Variants in KCNS3 observed in about 807,000 individuals in gnomAD.
The protein encoded by KCNS3 is delayed-rectifier potassium channel regulatory subunit KCNS3.
In KCNS3, 13 loss-of-function variants were observed where a neutral mutation model predicts 31.0. The ratio of observed to expected loss-of-function variants is 0.42; its 90% CI spans 0.27 to 0.67. KCNS3 has a LOEUF of 0.67. Ranked by LOEUF, KCNS3 falls within the 30% of genes least tolerant of loss-of-function variation. The pLI is 0.25. For missense variants in KCNS3, 545 were observed against 622.4 expected, an observed-to-expected ratio of 0.88 and a Z score of 1.32; for synonymous variants, 238 against 241.5, an observed-to-expected ratio of 0.99 and a Z score of 0.13.
At chr2:17,930,587 A>G (rs1352384859) in intron 2 of KCNS3, among the ~76,000 whole-genome samples, 1 of 152,146 alleles carries the variant, frequency 6.6e-6, no homozygotes, top group Non-Finnish European at 1.5e-5. Flanking sequence ...TTGTGCTTGA[A>G]TCTCTGGAGA....
At position 17,931,060 on chromosome 2, in the gene KCNS3, A is replaced by C. The variant is rs1662949485; in HGVS notation, c.52A>C (p.Asn18His). ...CCCTGGACAAGACGAGGAACTTGTC[A>C]ACCTGAATGTGGGGGGCTTTAAGCA... ...HRPGQDEELVNLNVGGFKQSV... is the reference protein window; with the variant it reads ...HRPGQDEELVHLNVGGFKQSV... Residue 18 changes from asparagine to histidine, a missense_variant, in exon 3 of 3, where the codon AAC becomes CAC. Physicochemically the swap from Asn to His is moderately conservative, Grantham distance 68 (BLOSUM62 1). Transcript: ENST00000304101. This position sits in a 1 kb window ranked among gnomAD's most constrained non-coding sequence, Gnocchi z 5.4. 4 of 1,613,988 alleles carry C rather than the reference A, an allele frequency of 2.5e-6. No individual in the cohort carries two copies. Among genetic ancestry groups the C allele is most frequent in the African/African-American group, 2.7e-5 (2 of 74,906 alleles).
chr2:17,920,999 G>A (rs78890391), intron 2 of KCNS3, among the ~76,000 whole-genome samples: 1 of 152,318 alleles, frequency 6.6e-6, no homozygotes, highest in East Asian at 1.9e-4. Context: ...TTGCAACACG[G>A]GAGTCTAAGG....
At chr2:17,890,825 G>A (rs1307739830) in intron 1 of KCNS3, among the ~76,000 whole-genome samples, 1 of 152,062 alleles carries the variant, frequency 6.6e-6, no homozygotes, top group Non-Finnish European at 1.5e-5. Flanking sequence ...TAAACTTATT[G>A]AGGCTCATTT....
intron 2 of KCNS3, among the ~76,000 whole-genome samples, chr2:17,925,825 A>T (rs1246682808): frequency 1.3e-5 from 2 of 152,218 alleles, no homozygotes; most frequent in Non-Finnish European, 2.9e-5. Context: ...CCCAAATCTC[A>T]TGTCCTCATG....
At chr2:17,916,629 TC>T (rs1380150134) in intron 1 of KCNS3, among the ~76,000 whole-genome samples, 1 of 152,214 alleles carries the variant, frequency 6.6e-6, no homozygotes, top group Non-Finnish European at 1.5e-5. Context: ...GAAACTGTGT[TC>T]CTGCTTCATT....
intron 1 of KCNS3, among the ~76,000 whole-genome samples, chr2:17,897,287 A>G (rs920543358): frequency 5.1e-4 from 78 of 152,224 alleles, no homozygotes; most frequent in African/African-American, 1.8e-3. Context: ...CCTTTATCCA[A>G]TCCACTGTTG....
upstream of KCNS3, among the ~76,000 whole-genome samples, chr2:17,878,377 G>T (rs1174641117): frequency 1.3e-5 from 2 of 151,938 alleles, no homozygotes; most frequent in Non-Finnish European, 2.9e-5. Flanking sequence ...CCCGGACAGC[G>T]CCTGCCGCTC....
At chr2:17,879,435 G>C (rs988150369) in intron 1 of KCNS3, 1 of 152,364 alleles carries the variant, frequency 6.6e-6, no homozygotes, top group African/African-American at 2.4e-5. Flanking sequence ...CGCCCTGGGT[G>C]GGGACGGCGT....
At chr2:17,883,228 G>A (rs1039495232) in intron 1 of KCNS3, among the ~76,000 whole-genome samples, 3 of 152,170 alleles carry the variant, frequency 2.0e-5, no homozygotes, top group Non-Finnish European at 4.4e-5. Flanking sequence ...CTTACCAGAT[G>A]CTCACCAAAG....
At position 17,932,220 on chromosome 2, in the gene KCNS3, C is replaced by T. The variant is rs1485227062; in HGVS notation, c.1212C>T (p.Ile404=). Reference sequence around the variant, plus strand: ...TGGTGGTGGCCCTTCCCATCACCATCATCTTCAACAAGTTTTCCAAGTACT... The same window carrying T: ...TGGTGGTGGCCCTTCCCATCACCATTATCTTCAACAAGTTTTCCAAGTACT... ...GILVVALPIT[I]IFNKFSKYYQ... The change falls in exon 3 of 3, where the codon ATC becomes ATT. Residue 404 remains isoleucine (I), a synonymous_variant. Transcript: ENST00000304101. The T allele has an allele frequency of 1.2e-6, 2 of 1,613,892 alleles. No homozygotes were observed. Among genetic ancestry groups the T allele is most frequent in the African/African-American group, 1.3e-5 (1 of 74,908 alleles).
intron 1 of KCNS3, among the ~76,000 whole-genome samples, chr2:17,884,266 AAAAT>A (rs1209831044): frequency 0.11 from 5,032 of 44,164 alleles, 74 homozygotes; most frequent in Non-Finnish European, 0.15. Flanking sequence ...TAAAAAAAAA[AAAAT>A]ATATATATAT....
At chr2:17,878,147 T>C (rs889267091), upstream of KCNS3, 1 of 152,230 alleles carries the variant, frequency 6.6e-6, no homozygotes, top group Non-Finnish European at 1.5e-5. Context: ...GAGCTATATG[T>C]ACTCTCCTTC....
At chr2:17,915,336 T>C (rs552188162) in intron 1 of KCNS3, among the ~76,000 whole-genome samples, 3 of 152,206 alleles carry the variant, frequency 2.0e-5, no homozygotes, top group East Asian at 1.9e-4. Flanking sequence ...GGTAGGAACA[T>C]AGAGAAATGG....
chr2:17,888,872 A>T (rs181322026), intron 1 of KCNS3, among the ~76,000 whole-genome samples: 2 of 150,916 alleles, frequency 1.3e-5, no homozygotes, highest in South Asian at 2.1e-4. Context: ...ATGCCTCCAG[A>T]TTTGTTCTTT....
Position 17,932,445 on chromosome 2 carries a change from T to C in KCNS3, c.1437T>C (p.Ile479=), listed in dbSNP as rs758300723. ...CAAGCATTGAAGACAATGAGGACAT[T>C]TGTAACACCACCTCCTTGGAGAATT... is the stretch of plus-strand genomic sequence containing the variant. ...DASSIEDNED[I]CNTTSLENCT... Residue 479 remains isoleucine (I), a synonymous_variant, in exon 3 of 3, where the codon ATT becomes ATC. Transcript: ENST00000304101. 1 of 1,613,706 alleles carries C rather than the reference T, an allele frequency of 6.2e-7. No homozygotes were observed. The highest frequency in any genetic ancestry group is 8.5e-7 in the Non-Finnish European group (1 of 1,179,816).
intron 1 of KCNS3, among the ~76,000 whole-genome samples, chr2:17,880,765 C>T (rs1478972530): frequency 6.6e-6 from 1 of 152,212 alleles, no homozygotes; most frequent in African/African-American, 2.4e-5. Context: ...GCCAGCAAAG[C>T]ACCAACTGAG....
intron 1 of KCNS3, among the ~76,000 whole-genome samples, chr2:17,903,736 C>T (rs1376107834): frequency 6.6e-6 from 1 of 151,822 alleles, no homozygotes; most frequent in Non-Finnish European, 1.5e-5. Flanking sequence ...TGACACTTTG[C>T]TGAGAATGAT....
chr2:17,906,771 G>T (rs966510911), intron 1 of KCNS3, among the ~76,000 whole-genome samples: 10 of 152,220 alleles, frequency 6.6e-5, no homozygotes, highest in African/African-American at 2.2e-4. Context: ...GAGTGGTTTT[G>T]AGTGAGTTTC....
intron 1 of KCNS3, among the ~76,000 whole-genome samples, chr2:17,912,926 A>G (rs773709109): frequency 5.9e-5 from 9 of 152,240 alleles, no homozygotes; most frequent in Non-Finnish European, 1.0e-4. Context: ...AGGATTTGCC[A>G]TATTAACTTA....
Sources: allele counts gnomAD v4.1 joint callset (sites outside exome capture counted in the v4.1 genomes callset), GRCh38; gene constraint gnomAD v4.1.1; non-coding constraint Gnocchi (gnomAD v3.1); transcripts MANE v1.5; gene names NCBI Gene and HGNC (gene_info 2026-07-23, HGNC 2026-07-21).